The following GABRR2 variants were observed in gnomAD, a reference collection of about 807,000 sequenced individuals.
GABRR2 encodes the protein gamma-aminobutyric acid receptor subunit rho-2.
GABRR2 carries 36 observed loss-of-function variants against 47.0 expected under a neutral mutation model. The observed-to-expected ratio is 0.77, with a 90% CI of 0.59 to 1.01. The LOEUF is 1.01. Ranked by LOEUF, GABRR2 falls within the 50% of genes least tolerant of loss-of-function variation. GABRR2 has a pLI of 0.00. For missense variants in GABRR2, 587 were observed against 594.6 expected (o/e 0.99, Z 0.13); for synonymous variants, 204 against 227.5 (o/e 0.90, Z 0.93).
At position 89,257,394 on chromosome 6, in the gene GABRR2, G is replaced by A; in HGVS notation, c.*276C>T. 1 of 414,986 alleles carries A rather than the reference G, an allele frequency of 2.4e-6. No homozygotes were observed. The highest frequency in any genetic ancestry group is 4.1e-5 in the East Asian group (1 of 24,584). The allele number at this position is 414,986 out of a possible 1,614,324, so 25.7% of individuals were successfully genotyped here. A position where few individuals can be genotyped will look rare whatever the true frequency, so the allele number is the denominator to read the frequency against. On this transcript the variant is annotated 3_prime_UTR_variant, in exon 9 of 9. Coordinates refer to ENST00000402938, the MANE Select transcript of GABRR2 (RefSeq NM_002043.5). ...ATTTGAATCCTTGTTTATAGGAGGG[G>A]AGTTCTTGTGAATTAGTTCACACAC...
At chr6:89,280,211 A>AATATATATATATATAT (rs35295435) in intron 2 of GABRR2, among the ~76,000 whole-genome samples, 24 of 110,400 alleles carry the variant, frequency 2.2e-4, no homozygotes, top group Non-Finnish European at 3.8e-4. Flanking sequence ...TCTAAAAACA[A>AATATATATATATATAT]ATATATATAT....
rs191027678 is a variant in GABRR2, at chr6:89,302,440, G to A, written c.114-2575C>T. On this transcript the variant is annotated intron_variant, in intron 1 of 8. Coordinates refer to ENST00000402938, the MANE Select transcript of GABRR2 (RefSeq NM_002043.5). ...CCTCAGGCTGGCCACGCCCACCTAC[G>A]GGGACCTCAGCCACCTGACATTGGC... 326 of 580,612 alleles carry A rather than the reference G, an allele frequency of 5.6e-4. 3 individuals carry two copies. In the East Asian group the frequency reaches 0.012, roughly 22 times the overall value. 36.0% of individuals were successfully genotyped at this position (580,612 alleles called of 1,614,324 possible).
chr6:89,305,624 A>T (rs985272074), intron 1 of GABRR2, among the ~76,000 whole-genome samples: 6 of 151,232 alleles, frequency 4.0e-5, no homozygotes, highest in African/African-American at 1.5e-4. Flanking sequence ...ACCCTGTCTC[A>T]CACACACACA....
intron 8 of GABRR2, 36 bp from the exon 9 acceptor site, chr6:89,258,017 T>C: frequency 6.3e-7 from 1 of 1,585,928 alleles, no homozygotes; most frequent in Non-Finnish European, 8.6e-7. Flanking sequence ...TCATTAAGCC[T>C]TGTGAGGTGG....
At chr6:89,260,432 G>C (rs1773720343) in intron 8 of GABRR2, among the ~76,000 whole-genome samples, 1 of 152,200 alleles carries the variant, frequency 6.6e-6, no homozygotes, top group South Asian at 2.1e-4. Flanking sequence ...AGATTGGCTT[G>C]CTTCTAAGAA....
At chr6:89,298,134 G>A (rs1774588832) in intron 2 of GABRR2, among the ~76,000 whole-genome samples, 1 of 152,158 alleles carries the variant, frequency 6.6e-6, no homozygotes, top group Non-Finnish European at 1.5e-5. Flanking sequence ...GACCTTCCGT[G>A]GGCGTCAATC....
chr6:89,282,141 C>T (rs1774263479), intron 2 of GABRR2, among the ~76,000 whole-genome samples: 1 of 152,216 alleles, frequency 6.6e-6, no homozygotes, highest in Non-Finnish European at 1.5e-5. Flanking sequence ...CACTCTCTCA[C>T]ACACACATGC....
intron 2 of GABRR2, among the ~76,000 whole-genome samples, chr6:89,292,289 G>T (rs1774454989): frequency 6.7e-6 from 1 of 148,956 alleles, no homozygotes; most frequent in Non-Finnish European, 1.5e-5. Flanking sequence ...GCTGGTGGAA[G>T]TGTAAAATGG....
At chr6:89,290,736 G>A (rs890569273) in intron 2 of GABRR2, among the ~76,000 whole-genome samples, 4 of 152,222 alleles carry the variant, frequency 2.6e-5, no homozygotes, top group Admixed American at 1.3e-4. Context: ...AGGAGGTATC[G>A]GAAGGGAGGA....
rs990534876 is a variant in GABRR2, at chr6:89,267,796, T to A, written c.619A>T (p.Met207Leu). ...ESYAYTDEDL[M>L]LYWKNGDESL... ...TCATCCCCATTCTTCCAGTACAGCA[T>A]TAGATCTTCATCTGTATAGGCATCT... The change falls in exon 6 of 9, where the codon ATG becomes TTG. Residue 207 changes from methionine to leucine, a missense_variant. Met to Leu is a conservative substitution (Grantham distance 15). Coordinates refer to ENST00000402938, the MANE Select transcript of GABRR2 (RefSeq NM_002043.5). The A allele has an allele frequency of 6.2e-7, 1 of 1,613,572 alleles. No homozygotes were observed. The highest frequency in any genetic ancestry group is 8.5e-7 in the Non-Finnish European group (1 of 1,179,814).
intron 6 of GABRR2, among the ~76,000 whole-genome samples, chr6:89,266,826 AT>A (rs959118145): frequency 6.6e-6 from 1 of 151,418 alleles, no homozygotes; most frequent in African/African-American, 2.4e-5. Flanking sequence ...CTCTCTCTTT[AT>A]TTTTTTGAAT....
chr6:89,286,869 G>A (rs1294385718), intron 2 of GABRR2, among the ~76,000 whole-genome samples: 4 of 152,158 alleles, frequency 2.6e-5, no homozygotes, highest in Admixed American at 1.3e-4. Context: ...GGTCAGAGGT[G>A]TCCCCTCCTT....
At chr6:89,272,910 A>G (rs1319892514) in intron 2 of GABRR2, among the ~76,000 whole-genome samples, 1 of 152,194 alleles carries the variant, frequency 6.6e-6, no homozygotes, top group Non-Finnish European at 1.5e-5. Context: ...AATGCAGGGT[A>G]GAGGTCCTCT....
intron 2 of GABRR2, among the ~76,000 whole-genome samples, chr6:89,278,063 T>C (rs193081507): frequency 6.6e-6 from 1 of 152,374 alleles, no homozygotes; most frequent in Non-Finnish European, 1.5e-5. Context: ...CCCAAATGTC[T>C]GTCTCTAGTA....
At chr6:89,297,161 AT>A (rs1185300034) in intron 2 of GABRR2, among the ~76,000 whole-genome samples, 3 of 152,380 alleles carry the variant, frequency 2.0e-5, no homozygotes, top group Non-Finnish European at 2.9e-5. Context: ...CTATAAAAAA[AT>A]ATCAAAAAGC....
rs956934151 is a variant in GABRR2 at position 89,299,948 on chromosome 6, A to G, written c.114-83T>C. 3 of 891,764 alleles carry G rather than the reference A, an allele frequency of 3.4e-6. No individual in the cohort carries two copies. In the African/African-American group the frequency reaches 4.9e-5, roughly 15 times the overall value. 55.2% of individuals were successfully genotyped at this position (891,764 alleles called of 1,614,324 possible). ...GATTTGGGCTATTACTCCCTGCAAG[A>G]TCTACCTGTTAGGTACCTTTTCTCC... is the stretch of plus-strand genomic sequence containing the variant. On this transcript the variant is annotated intron_variant, in intron 1 of 8. Transcript: ENST00000402938.
intron 6 of GABRR2, among the ~76,000 whole-genome samples, chr6:89,266,851 C>T (rs1582438209): frequency 6.6e-6 from 1 of 152,082 alleles, no homozygotes; most frequent in African/African-American, 2.4e-5. Flanking sequence ...GACAGGGTCT[C>T]GCTCTATTGC....
chr6:89,315,255 C>A lies in GABRR2; in HGVS notation c.-90G>T. On this transcript the variant is annotated 5_prime_UTR_variant, in exon 1 of 9. Coordinates refer to ENST00000402938, the MANE Select transcript of GABRR2 (RefSeq NM_002043.5). ...GGCTTGACCATTGATCCATCTGCTGCCTCCTGACGGGCTGCTCTGAGGGGC... is the reference window on the plus strand; with the variant it reads ...GGCTTGACCATTGATCCATCTGCTGACTCCTGACGGGCTGCTCTGAGGGGC... The A allele has an allele frequency of 1.3e-6, 2 of 1,598,114 alleles. No homozygotes were observed. Among genetic ancestry groups the A allele is most frequent in the Non-Finnish European group, 1.7e-6 (2 of 1,170,694 alleles).
intron 1 of GABRR2, among the ~76,000 whole-genome samples, chr6:89,312,078 G>A (rs868227230): frequency 5.3e-5 from 8 of 152,186 alleles, no homozygotes; most frequent in Non-Finnish European, 8.8e-5. Context: ...TACAGAGGGG[G>A]CTCCACGTTG....
Sources: allele counts gnomAD v4.1 joint callset (sites outside exome capture counted in the v4.1 genomes callset), GRCh38; gene constraint gnomAD v4.1.1; transcripts MANE v1.5; gene names NCBI Gene and HGNC (gene_info 2026-07-23, HGNC 2026-07-21).